Variants in FBXW9 observed in about 807,000 individuals in gnomAD.
FBXW9 encodes F-box and WD repeat domain containing 9.
In FBXW9, 38 loss-of-function variants were observed where a neutral mutation model predicts 55.8. The observed-to-expected ratio is 0.68, with a 90% confidence interval of 0.53 to 0.89. The LOEUF is 0.89. FBXW9 is among the 40% of genes least tolerant of loss of function. FBXW9 has a pLI of 0.00. For synonymous variants in FBXW9, 289 were observed against 278.2 expected (o/e 1.04, Z -0.38); for missense variants, 590 against 619.4 (o/e 0.95, Z 0.50).
chr19:12,689,292 T>C lies in FBXW9; in HGVS notation c.1303-2A>G. On this transcript the variant is annotated splice_acceptor_variant, in intron 9 of 9. Transcript: ENST00000393261. LOFTEE classifies it high-confidence loss of function. The surrounding 1 kb of genome is among the most constrained non-coding windows in gnomAD (Gnocchi z 5.9). ...CACCAGGTTGCCCTCAGCACAGACC[T>C]GGGAAGGGGGAGGAACATGAGGAGT... is the stretch of plus-strand genomic sequence containing the variant. 1 of 1,614,124 alleles carries C rather than the reference T, an allele frequency of 6.2e-7. No homozygotes were observed. Among genetic ancestry groups the C allele is most frequent in the Non-Finnish European group, 8.5e-7 (1 of 1,180,002 alleles).
Position 12,694,821 on chromosome 19 carries a change from A to G in FBXW9, c.527T>C (p.Val176Ala), listed in dbSNP as rs1243989797. 1.9e-6 allele frequency: 3 copies of G among 1,614,112 alleles called. No individual in the cohort carries two copies. The highest frequency in any genetic ancestry group is 2.5e-6 in the Non-Finnish European group (3 of 1,180,000). The stretch of plus-strand genomic sequence containing the variant: ...CACCTGGAGCAGCAGCACTGAGTCA[A>G]CGGAAGCCACGTGGCCTTCGGCCAG... ...FCLAEGHVASVDSVLLLQGGS... is the reference protein window; with the variant it reads ...FCLAEGHVASADSVLLLQGGS... Residue 176 changes from valine to alanine, a missense_variant, in exon 2 of 10, where the codon GTT (valine) becomes GCT (alanine). Transcript: ENST00000393261.
Position 12,689,840 on chromosome 19 carries a change from T to G in FBXW9, c.1067A>C (p.Glu356Ala). The G allele has an allele frequency of 2.5e-6, 4 of 1,614,108 alleles. No individual in the cohort carries two copies. In the East Asian group the frequency reaches 8.9e-5, roughly 36 times the overall value. The change falls in exon 7 of 10, where the codon GAA (glutamate) becomes GCA (alanine). Residue 356 changes from glutamate (E) to alanine (A), a missense_variant. Physicochemically the swap from Glu to Ala is moderately radical, Grantham distance 107. Coordinates refer to ENST00000393261, the MANE Select transcript of FBXW9 (RefSeq NM_032301.3). The surrounding 1 kb of genome is among the most constrained non-coding windows in gnomAD (Gnocchi z 5.9). The stretch of plus-strand genomic sequence containing the variant: ...GTTGTCACCAGCCCAGAGCTGGGGT[T>G]CCTGGTAGGACATGCAGAGCAGGTA... ...DSYLLCMSYQ[E>A]PQLWAGDNQG...
chr19:12,693,188 CT>C (rs1278971941), intron 3 of FBXW9, among the ~76,000 whole-genome samples: 2 of 152,014 alleles, frequency 1.3e-5, no homozygotes, highest in Non-Finnish European at 2.9e-5. Context: ...CAAGCCCAAG[CT>C]CTCAGCTACC....
chr19:12,693,103 G>A (rs549324265), intron 3 of FBXW9, among the ~76,000 whole-genome samples: 1 of 152,206 alleles, frequency 6.6e-6, no homozygotes, highest in South Asian at 2.1e-4. Context: ...GGGCCCCAGA[G>A]AGGTTGAGTT....
chr19:12,694,438 A>C (rs935729299), intron 3 of FBXW9, among the ~76,000 whole-genome samples, 156 bp downstream of exon 3: 2 of 152,200 alleles, frequency 1.3e-5, no homozygotes, highest in Admixed American at 1.3e-4. Context: ...ACAGAAGTAG[A>C]AACTGAGGCA....
chr19:12,691,591 C>T, intron 3 of FBXW9, 137 bp from the exon 4 acceptor site: 1 of 683,154 alleles, frequency 1.5e-6, no homozygotes, highest in African/African-American at 1.8e-5. Context: ...CTCCCCAGTG[C>T]CCATGGTGAT....
At position 12,696,312 on chromosome 19, in the gene FBXW9, G is replaced by A. The variant is rs964809762; in HGVS notation, c.270C>T (p.Ile90=). 35 of 1,584,974 alleles carry A rather than the reference G, an allele frequency of 2.2e-5. No homozygotes were observed. The highest frequency in any genetic ancestry group is 3.0e-5 in the Non-Finnish European group (35 of 1,166,372). ...CGAGGCGGGCGTCCAGGTAGGAGCA[G>A]ATCTCGAGCAGCAGCTCCGGGGGAA... ...LSLPPELLLE[I]CSYLDARLVL... The change falls in exon 1 of 10, where the codon ATC becomes ATT. Residue 90 remains isoleucine (I), a synonymous_variant. Coordinates refer to ENST00000393261, the MANE Select transcript of FBXW9 (RefSeq NM_032301.3).
rs762643482 is a variant in FBXW9, at chr19:12,689,543, G to A, written c.1234C>T (p.Arg412Trp). The A allele has an allele frequency of 2.7e-5, 44 of 1,613,934 alleles. No individual in the cohort carries two copies. The highest frequency in any genetic ancestry group is 7.7e-5 in the South Asian group (7 of 91,080). ...TGGGGGCTGGGCAGGAGCCTCACCC[G>A]GATGGTCTTGTCAGTGGATGTGGTG... is the stretch of plus-strand genomic sequence containing the variant. The part of the protein sequence containing the change: ...LYTTSTDKTI[R>W]VHVPTDPPRT... The change falls in exon 8 of 10, where the codon CGG (arginine) becomes TGG (tryptophan). Residue 412 changes from arginine to tryptophan, a missense_variant and splice_region_variant. Physicochemically the swap from Arg to Trp is moderately radical, Grantham distance 101. Coordinates refer to ENST00000393261, the MANE Select transcript of FBXW9 (RefSeq NM_032301.3). The surrounding 1 kb of genome is among the most constrained non-coding windows in gnomAD (Gnocchi z 5.9).
chr19:12,694,931 G>C lies in FBXW9; in HGVS notation c.417C>G (p.Asn139Lys), dbSNP rs1349653100. The C allele has an allele frequency of 1.9e-6, 3 of 1,613,120 alleles. No individual in the cohort carries two copies. The highest frequency in any genetic ancestry group is 2.5e-6 in the Non-Finnish European group (3 of 1,179,950). ...RAPYPVVEEK[N>K]FDWPAACIAL... Reference sequence around the variant, plus strand: ...CAATGCAGGCTGCCGGCCAGTCAAAGTTCTTCTCTGTGGGTTACCACGAGT... The same window carrying C: ...CAATGCAGGCTGCCGGCCAGTCAAACTTCTTCTCTGTGGGTTACCACGAGT... The change falls in exon 2 of 10, where the codon AAC becomes AAG. Residue 139 changes from asparagine to lysine, a missense_variant. Coordinates refer to ENST00000393261, the MANE Select transcript of FBXW9 (RefSeq NM_032301.3).
At position 12,689,857 on chromosome 19, in the gene FBXW9, G is replaced by A. The variant is rs768083674; in HGVS notation, c.1050C>T (p.Leu350=). The part of the protein sequence containing the change: ...LQRLQLDSYL[L]CMSYQEPQLW... Reference sequence around the variant, plus strand: ...GCTGGGGTTCCTGGTAGGACATGCAGAGCAGGTAGGAGTCCAGCTACGAGA... The same window carrying A: ...GCTGGGGTTCCTGGTAGGACATGCAAAGCAGGTAGGAGTCCAGCTACGAGA... The change falls in exon 7 of 10, where the codon CTC becomes CTT. Residue 350 remains leucine (L), a synonymous_variant. Transcript: ENST00000393261. The surrounding 1 kb of genome is among the most constrained non-coding windows in gnomAD (Gnocchi z 5.9). 3.1e-6 allele frequency: 5 copies of A among 1,613,986 alleles called. No individual in the cohort carries two copies. The highest frequency in any genetic ancestry group is 2.2e-5 in the East Asian group (1 of 44,890).
intron 3 of FBXW9, among the ~76,000 whole-genome samples, 167 bp from the exon 4 acceptor site, chr19:12,691,621 ACACCCAACTCTGGCTCCAGGTGAT>A (rs2025010539): frequency 6.6e-6 from 1 of 152,206 alleles, no homozygotes; most frequent in African/African-American, 2.4e-5. Context: ...AGCAAGTACA[ACACCCAACTCTGGCTCCAGGTGAT>A]CACCCCCATT....
Position 12,696,411 on chromosome 19 carries a change from G to T in FBXW9, c.171C>A (p.Ala57=), listed in dbSNP as rs1226271753. The change falls in exon 1 of 10, where the codon GCC becomes GCA. Residue 57 remains alanine, a synonymous_variant. Transcript: ENST00000393261. ...FSRPSQLSTP[A]ASPSASEPRA... Reference sequence around the variant, plus strand: ...GAGGCTCCGAAGCGCTCGGGGACGCGGCGGGTGTGGATAGCTGCGAGGGGC... The same window carrying T: ...GAGGCTCCGAAGCGCTCGGGGACGCTGCGGGTGTGGATAGCTGCGAGGGGC... 6.2e-7 allele frequency: 1 copy of T among 1,611,382 alleles called. No individual in the cohort carries two copies. The highest frequency in any genetic ancestry group is 1.7e-5 in the Admixed American group (1 of 59,926).
chr19:12,689,397 C>T lies in FBXW9; in HGVS notation c.1277G>A (p.Arg426Gln), dbSNP rs1282165485. 17 of 1,613,996 alleles carry T rather than the reference C, an allele frequency of 1.1e-5. No homozygotes were observed. The highest frequency in any genetic ancestry group is 4.4e-5 in the South Asian group (4 of 91,090). Residue 426 changes from arginine to glutamine, a missense_variant, in exon 9 of 10, where the codon CGA (arginine) becomes CAA (glutamine). Transcript: ENST00000393261. The surrounding 1 kb of genome is among the most constrained non-coding windows in gnomAD (Gnocchi z 5.9). ...CCTATTGAGCCCATTGTCATGCCTT[C>T]GGGTGCAAATGGTCCTTGGTGGGTC... ...PTDPPRTICTRRHDNGLNRVC... is the reference protein window; with the variant it reads ...PTDPPRTICTQRHDNGLNRVC...
chr19:12,694,297 T>C (rs1268745142), intron 3 of FBXW9, among the ~76,000 whole-genome samples: 2 of 140,538 alleles, frequency 1.4e-5, no homozygotes, highest in Admixed American at 7.6e-5. Context: ...GCTGAGATCA[T>C]GCCACACTCC....
At position 12,689,969 on chromosome 19, in the gene FBXW9, C is replaced by T. The variant is rs766426225; in HGVS notation, c.1025G>A (p.Arg342His). Residue 342 changes from arginine to histidine, a missense_variant, in exon 6 of 10, where the codon CGT (arginine) becomes CAT (histidine). Coordinates refer to ENST00000393261, the MANE Select transcript of FBXW9 (RefSeq NM_032301.3). This position sits in a 1 kb window ranked among gnomAD's most constrained non-coding sequence, Gnocchi z 5.9. ...CCCCTGGGGAGGGCCCACCTGCAGA[C>T]GCTGCAGGACGCTGTTGGCTCGGCG... The part of the protein sequence containing the change: ...VDRRANSVLQ[R>H]LQLDSYLLCM... The T allele has an allele frequency of 2.2e-5, 35 of 1,613,688 alleles. No individual in the cohort carries two copies. The Middle Eastern group carries it at 4.9e-4, about 23-fold the overall frequency.
At chr19:12,690,958 C>G (rs1599394168) in intron 5 of FBXW9, among the ~76,000 whole-genome samples, 1 of 152,206 alleles carries the variant, frequency 6.6e-6, no homozygotes, top group Non-Finnish European at 1.5e-5. Flanking sequence ...GGCAGTGGGA[C>G]AGCCAGAACT....
rs201386960 is a variant in FBXW9, at chr19:12,694,782, C to G, written c.549+17G>C. ...CCCTGGCCCACCCTGCCTGGCCCCCCACAGACCCCGTCTCACCTGGAGCAG... is the reference window on the plus strand; with the variant it reads ...CCCTGGCCCACCCTGCCTGGCCCCCGACAGACCCCGTCTCACCTGGAGCAG... On this transcript the variant is annotated intron_variant, in intron 2 of 9. Transcript: ENST00000393261. The G allele has an allele frequency of 5.0e-6, 8 of 1,613,810 alleles. No homozygotes were observed. Among genetic ancestry groups the G allele is most frequent in the Non-Finnish European group, 6.8e-6 (8 of 1,179,798 alleles).
intron 5 of FBXW9, 78 bp from the exon 6 acceptor site, chr19:12,690,188 G>T: frequency 6.2e-7 from 1 of 1,600,772 alleles, no homozygotes; most frequent in Non-Finnish European, 8.5e-7. Context: ...AGCATCCCGG[G>T]TCTCCATCCT....
Position 12,689,109 on chromosome 19 carries a change from C to T in FBXW9, c.*107G>A, listed in dbSNP as rs754142464. ...CGAATGTGGCTGGGACTCCTTGTGCCCTAGGCCCACGGGGCGGAGGCAGCA... is the reference window on the plus strand; with the variant it reads ...CGAATGTGGCTGGGACTCCTTGTGCTCTAGGCCCACGGGGCGGAGGCAGCA... On this transcript the variant is annotated 3_prime_UTR_variant, in exon 10 of 10. Transcript: ENST00000393261. This position sits in a 1 kb window ranked among gnomAD's most constrained non-coding sequence, Gnocchi z 5.9. 2.5e-5 allele frequency: 23 copies of T among 933,470 alleles called. No individual in the cohort carries two copies. In the African/African-American group the frequency reaches 3.2e-4, roughly 13 times the overall value. 57.8% of individuals were successfully genotyped at this position (933,470 alleles called of 1,614,324 possible).
Sources: allele counts gnomAD v4.1 joint callset (sites outside exome capture counted in the v4.1 genomes callset), GRCh38; gene constraint gnomAD v4.1.1; non-coding constraint Gnocchi (gnomAD v3.1); transcripts MANE v1.5; gene names NCBI Gene and HGNC (gene_info 2026-07-23, HGNC 2026-07-21).